CDKAL1: variants seen among roughly 807,000 people sequenced by gnomAD.
CDKAL1 encodes threonylcarbamoyladenosine tRNA methylthiotransferase.
A neutral mutation model predicts 68.2 loss-of-function variants in CDKAL1; 32 were observed. The ratio of observed to expected loss-of-function variants is 0.47; its 90% CI spans 0.35 to 0.63. The LOEUF is 0.63. Ranked by LOEUF, CDKAL1 falls within the 30% of genes least tolerant of loss-of-function variation. The probability of loss-of-function intolerance (pLI) is 0.00; values close to 1 mark genes in which losing one functional copy is unlikely to be tolerated. For missense variants in CDKAL1, 606 were observed against 696.7 expected (o/e 0.87, Z 1.47); for synonymous variants, 234 against 244.3 (o/e 0.96, Z 0.39).
chr6:21,100,687 A>G (rs1032464554), intron 12 of CDKAL1, among the ~76,000 whole-genome samples: 2 of 90,534 alleles, frequency 2.2e-5, no homozygotes, highest in Non-Finnish European at 4.2e-5. Flanking sequence ...GTTTCCCTGT[A>G]TATTTTGGGG....
chr6:20,582,745 TA>T (rs374861476), intron 4 of CDKAL1, among the ~76,000 whole-genome samples: 1 of 152,180 alleles, frequency 6.6e-6, no homozygotes, highest in Non-Finnish European at 1.5e-5. Flanking sequence ...TTATAATACT[TA>T]AAAAAAGTCA....
rs1283487051 is a variant in CDKAL1, at chr6:21,230,875, C to T, written c.1576C>T (p.Leu526=). 2 of 1,609,888 alleles carry T rather than the reference C, an allele frequency of 1.2e-6. No individual in the cohort carries two copies. Among genetic ancestry groups the T allele is most frequent in the Non-Finnish European group, 1.7e-6 (2 of 1,177,600 alleles). ...CTTCAGAAATGGGCTTGGGAACCAG[C>T]TGAGTTCAGGATCCCACACCTCTGC... The part of the protein sequence containing the change: ...KDFRNGLGNQ[L]SSGSHTSAAS... Residue 526 remains leucine, a synonymous_variant, in exon 16 of 16, where the codon CTG becomes TTG. Transcript: ENST00000274695.
intron 13 of CDKAL1, among the ~76,000 whole-genome samples, chr6:21,123,260 G>A (rs111606510): frequency 6.6e-6 from 1 of 152,004 alleles, no homozygotes; most frequent in African/African-American, 2.4e-5. Flanking sequence ...TTGGAGACCC[G>A]CCTGGCCAAC....
chr6:20,592,218 T>G (rs9465823), intron 4 of CDKAL1, among the ~76,000 whole-genome samples: 4,625 of 152,310 alleles, frequency 0.03, 231 homozygotes, highest in African/African-American at 0.1. Flanking sequence ...TGCACATTGA[T>G]TTTGTATCCT....
chr6:20,817,028 G>A (rs1002847162), intron 8 of CDKAL1, among the ~76,000 whole-genome samples: 20 of 152,134 alleles, frequency 1.3e-4, no homozygotes, highest in African/African-American at 4.3e-4. Context: ...GTTATGCACT[G>A]CGCTATGTTG....
chr6:20,975,022 T>G (rs1765778166), intron 10 of CDKAL1, among the ~76,000 whole-genome samples: 1 of 146,830 alleles, frequency 6.8e-6, no homozygotes, highest in Non-Finnish European at 1.5e-5. Flanking sequence ...AAATAAGATA[T>G]TTGGACCATG....
At chr6:20,843,966 A>G (rs532948751) in intron 8 of CDKAL1, among the ~76,000 whole-genome samples, 2 of 152,276 alleles carry the variant, frequency 1.3e-5, no homozygotes, top group South Asian at 4.1e-4. Flanking sequence ...TGACTGGGCC[A>G]TGGAGACACT....
rs71663836 is a variant in CDKAL1, at chr6:20,667,483, C to CT, written c.371+18106_371+18107insT. 4.8e-5 allele frequency among the ~76,000 whole-genome samples: 5 copies of CT among 104,668 alleles called. No individual in the cohort carries two copies. In the East Asian group the frequency reaches 2.6e-3, roughly 55 times the overall value. The allele number at this position is 104,668 out of a possible 152,430, so 68.7% of individuals were successfully genotyped here. Reference sequence around the variant, plus strand: ...CTGGGTCTCTGTATCTTATTTTACACCCCCCTTCCCTCAACAATAAGCAAA... The same window carrying CT: ...CTGGGTCTCTGTATCTTATTTTACACTCCCCCTTCCCTCAACAATAAGCAAA... On this transcript the variant is annotated intron_variant, in intron 5 of 15. Coordinates refer to ENST00000274695, the MANE Select transcript of CDKAL1 (RefSeq NM_017774.3).
intron 9 of CDKAL1, among the ~76,000 whole-genome samples, chr6:20,853,536 A>G (rs1396343236): frequency 6.6e-6 from 1 of 152,210 alleles, no homozygotes. Context: ...ATATGTTAAT[A>G]CATATTGTCA....
intron 13 of CDKAL1, among the ~76,000 whole-genome samples, chr6:21,179,083 G>A (rs557326769): frequency 1.3e-5 from 2 of 152,242 alleles, no homozygotes; most frequent in Admixed American, 6.5e-5. Flanking sequence ...AGCAAGTGAC[G>A]TGCTCATTGC....
intron 9 of CDKAL1, among the ~76,000 whole-genome samples, chr6:20,849,667 T>G (rs764309977): frequency 3.3e-5 from 5 of 151,698 alleles, no homozygotes; most frequent in Admixed American, 6.6e-5. Flanking sequence ...TAATTTTGGG[T>G]AAGAATATTG....
At chr6:21,048,212 A>G (rs1204424139) in intron 11 of CDKAL1, among the ~76,000 whole-genome samples, 2 of 152,234 alleles carry the variant, frequency 1.3e-5, no homozygotes, top group Non-Finnish European at 2.9e-5. Context: ...AGCCATAAAC[A>G]GTATGAAATG....
intron 4 of CDKAL1, among the ~76,000 whole-genome samples, chr6:20,605,639 G>A (rs896318185): frequency 6.6e-6 from 1 of 152,092 alleles, no homozygotes; most frequent in Non-Finnish European, 1.5e-5. Context: ...CTTGGAAACA[G>A]GTTGGTTCTG....
chr6:21,216,462 G>A lies in CDKAL1; in HGVS notation c.1549-14386G>A, dbSNP rs59743967. Reference sequence around the variant, plus strand: ...TAGCCTGGACCACAGAGAAAGATCCGGTCTCCAGAAAAAAAATAATAATAA... The same window carrying A: ...TAGCCTGGACCACAGAGAAAGATCCAGTCTCCAGAAAAAAAATAATAATAA... On this transcript the variant is annotated intron_variant, in intron 15 of 15. Coordinates refer to ENST00000274695, the MANE Select transcript of CDKAL1 (RefSeq NM_017774.3). Among the ~76,000 whole-genome samples, 5 of 151,772 alleles carry A rather than the reference G, an allele frequency of 3.3e-5. No homozygotes were observed. The South Asian group carries it at 6.3e-4, about 19-fold the overall frequency.
chr6:21,065,703 A>G (rs540953331), intron 12 of CDKAL1, among the ~76,000 whole-genome samples: 21 of 145,930 alleles, frequency 1.4e-4, no homozygotes, highest in Non-Finnish European at 2.8e-4. Context: ...TTTTTTCACA[A>G]CGAGCCTCAA....
Position 21,206,932 on chromosome 6 carries a change from T to C in CDKAL1, c.1548+5658T>C, listed in dbSNP as rs796999059. 8.5e-3 allele frequency among the ~76,000 whole-genome samples: 1,291 copies of C among 152,018 alleles called. 16 individuals carry two copies. Among genetic ancestry groups the C allele is most frequent in the African/African-American group, 0.029 (1,195 of 41,480 alleles). ...TTGATTTCTTTTACTTTAATTTCTT[T>C]TTTTTTTCTTTTTAGACAGAGTCTC... is the stretch of plus-strand genomic sequence containing the variant. On this transcript the variant is annotated intron_variant, in intron 15 of 15. Transcript: ENST00000274695.
At chr6:20,791,182 A>G (rs1225828665) in intron 8 of CDKAL1, among the ~76,000 whole-genome samples, 5 of 152,250 alleles carry the variant, frequency 3.3e-5, no homozygotes, top group South Asian at 4.1e-4. Context: ...CAACCTCTCT[A>G]TAGGTTTCAG....
chr6:21,173,390 T>G (rs1222196584), intron 13 of CDKAL1, among the ~76,000 whole-genome samples: 1 of 152,156 alleles, frequency 6.6e-6, no homozygotes, highest in Non-Finnish European at 1.5e-5. Context: ...CAGTGCTTAT[T>G]TAGGAAAGTG....
chr6:20,950,008 T>C (rs1313109599), intron 9 of CDKAL1, among the ~76,000 whole-genome samples: 7 of 152,230 alleles, frequency 4.6e-5, no homozygotes, highest in African/African-American at 1.7e-4. Context: ...CAGGCTGGTC[T>C]TGAACTCCTG....
Sources: allele counts gnomAD v4.1 joint callset (sites outside exome capture counted in the v4.1 genomes callset), GRCh38; gene constraint gnomAD v4.1.1; transcripts MANE v1.5; gene names NCBI Gene and HGNC (gene_info 2026-07-23, HGNC 2026-07-21).